NR5A2: variants seen among roughly 807,000 people sequenced by gnomAD.
NR5A2 encodes the protein nuclear receptor subfamily 5 group A member 2.
In NR5A2, 26 loss-of-function variants were observed where a neutral mutation model predicts 62.7. The ratio of observed to expected loss-of-function variants is 0.41; its 90% CI spans 0.30 to 0.58. The LOEUF (loss-of-function observed/expected upper bound fraction) is 0.58. Among genes scored for constraint, NR5A2 ranks in the 20% least tolerant of loss-of-function variants. The probability of loss-of-function intolerance (pLI) is 0.22; values close to 1 mark genes in which losing one functional copy is unlikely to be tolerated. For missense variants in NR5A2, 541 were observed against 669.1 expected, an observed-to-expected ratio of 0.81 and a Z score of 2.11; for synonymous variants, 246 against 241.7, an observed-to-expected ratio of 1.02 and a Z score of -0.16.
rs1307666384 is a variant in NR5A2 at position 200,150,946 on chromosome 1, C to T, written c.1379-23017C>T. 3.9e-5 allele frequency among the ~76,000 whole-genome samples: 6 copies of T among 152,266 alleles called. No individual in the cohort carries two copies. In the South Asian group the frequency reaches 1.0e-3, roughly 26 times the overall value. On this transcript the variant is annotated intron_variant, in intron 7 of 7. Coordinates refer to ENST00000367362, the MANE Select transcript of NR5A2 (RefSeq NM_205860.3). ...GAGTGCTCTGTTTCATTCCAGGACC[C>T]GTGGGAGTTAAGAATTGAAGGTAGT...
chr1:200,129,767 A>G (rs1666881569), intron 7 of NR5A2, among the ~76,000 whole-genome samples: 2 of 152,196 alleles, frequency 1.3e-5, no homozygotes. Context: ...CTGTGGAGAG[A>G]AAACAGTTTT....
At chr1:200,053,550 T>TC (rs144983421) in intron 5 of NR5A2, among the ~76,000 whole-genome samples, 9,236 of 107,188 alleles carry the variant, frequency 0.086, 340 homozygotes, top group Non-Finnish European at 0.098. Context: ...CATTCCCTCA[T>TC]CCCCCCCAGC....
At chr1:200,038,626 C>A in intron 1 of NR5A2, 1 of 1,007,706 alleles carries the variant, frequency 9.9e-7, no homozygotes. Context: ...TAACTCCCTT[C>A]ATCTCCTCAT....
rs1367124941 is a variant in NR5A2, at chr1:200,176,335, A to T, written c.*2125A>T. 6.6e-6 allele frequency: 1 copy of T among 152,642 alleles called. No homozygotes were observed. The highest frequency in any genetic ancestry group is 1.5e-5 in the Non-Finnish European group (1 of 68,046). The allele number at this position is 152,642 out of a possible 1,614,324, so 9.5% of individuals were successfully genotyped here. ...TATTAATCACCTCTAATACTCATCCACATGAAGGGTACACATTAGGTAAGC... is the reference window on the plus strand; with the variant it reads ...TATTAATCACCTCTAATACTCATCCTCATGAAGGGTACACATTAGGTAAGC... On this transcript the variant is annotated 3_prime_UTR_variant, in exon 8 of 8. Transcript: ENST00000367362.
At chr1:200,143,096 G>C (rs1667520015) in intron 7 of NR5A2, among the ~76,000 whole-genome samples, 1 of 152,142 alleles carries the variant, frequency 6.6e-6, no homozygotes, top group Non-Finnish European at 1.5e-5. Flanking sequence ...CTTACTTTGA[G>C]TAAGACTTTT....
intron 7 of NR5A2, among the ~76,000 whole-genome samples, chr1:200,134,546 G>T (rs1034277710): frequency 2.6e-5 from 4 of 152,136 alleles, no homozygotes; most frequent in Non-Finnish European, 2.9e-5. Context: ...GTAAGTTTGT[G>T]TAAGTACACT....
Position 200,048,745 on chromosome 1 carries a change from G to T in NR5A2, c.1037G>T (p.Cys346Phe). The stretch of plus-strand genomic sequence containing the variant: ...AAGCTGAGCACCTTTGGGCTTATGT[G>T]CAAAATGGCAGATCAAACTCTCTTC... Reference protein sequence around the residue: ...HEKLSTFGLMCKMADQTLFSI... With the variant: ...HEKLSTFGLMFKMADQTLFSI... The change falls in exon 5 of 8, where the codon TGC (cysteine) becomes TTC (phenylalanine). Residue 346 changes from cysteine (C) to phenylalanine (F), a missense_variant. Physicochemically the swap from Cys to Phe is radical, Grantham distance 205 (BLOSUM62 -2). This residue lies in a region of NR5A2 where 379 missense variants were observed against 442.0 expected (regional missense o/e 0.86). Transcript: ENST00000367362. The surrounding 1 kb of genome is among the most constrained non-coding windows in gnomAD (Gnocchi z 4.8). 1.2e-6 allele frequency: 2 copies of T among 1,614,214 alleles called. No individual in the cohort carries two copies. Among genetic ancestry groups the T allele is most frequent in the Non-Finnish European group, 1.7e-6 (2 of 1,180,036 alleles).
chr1:200,060,729 G>A (rs1424677765), intron 5 of NR5A2, among the ~76,000 whole-genome samples: 2 of 151,998 alleles, frequency 1.3e-5, no homozygotes, highest in African/African-American at 2.4e-5. Flanking sequence ...CACATGCTAC[G>A]TTCTTGACCT....
intron 7 of NR5A2, among the ~76,000 whole-genome samples, chr1:200,169,982 G>A (rs568480212): frequency 2.0e-5 from 3 of 152,276 alleles, no homozygotes; most frequent in Admixed American, 6.5e-5. Flanking sequence ...CCAGCTGGGG[G>A]TCTTTTGCTA....
At chr1:200,050,379 T>A (rs1662572119) in intron 5 of NR5A2, among the ~76,000 whole-genome samples, 2 of 152,222 alleles carry the variant, frequency 1.3e-5, no homozygotes, top group South Asian at 4.1e-4. Flanking sequence ...TGCTTAATAA[T>A]TATGTCTTCA....
chr1:200,119,588 ACTT>A (rs771790417), intron 6 of NR5A2, among the ~76,000 whole-genome samples: 4 of 152,132 alleles, frequency 2.6e-5, no homozygotes, highest in Non-Finnish European at 4.4e-5. Flanking sequence ...TATAAATTGA[ACTT>A]CTTATGTCCC....
Position 200,175,254 on chromosome 1 carries a change from A to AAAGG in NR5A2, c.*1046_*1049dup, listed in dbSNP as rs1654365654. Reference sequence around the variant, plus strand: ...ATGTTAATCTATGCAAAGAGAAAGGAAAGGATGAGGTGATGTATTGACTCA... The same window carrying AAAGG: ...ATGTTAATCTATGCAAAGAGAAAGGAAAGGAAGGATGAGGTGATGTATTGACTCA... On this transcript the variant is annotated 3_prime_UTR_variant, in exon 8 of 8. Coordinates refer to ENST00000367362, the MANE Select transcript of NR5A2 (RefSeq NM_205860.3). 1 of 152,404 alleles carries AAAGG rather than the reference A, an allele frequency of 6.6e-6. No individual in the cohort carries two copies. The highest frequency in any genetic ancestry group is 1.5e-5 in the Non-Finnish European group (1 of 68,044). The allele number at this position is 152,404 out of a possible 1,614,324, so 9.4% of individuals were successfully genotyped here. A position where few individuals can be genotyped will look rare whatever the true frequency, so the allele number is the denominator to read the frequency against.
At chr1:200,056,331 G>A (rs1484892464) in intron 5 of NR5A2, among the ~76,000 whole-genome samples, 1 of 152,074 alleles carries the variant, frequency 6.6e-6, no homozygotes, top group Non-Finnish European at 1.5e-5. Flanking sequence ...TCTTTACTGG[G>A]ATATCTTGAA....
intron 5 of NR5A2, among the ~76,000 whole-genome samples, chr1:200,066,792 T>C (rs959395144): frequency 7.9e-5 from 12 of 152,140 alleles, no homozygotes; most frequent in African/African-American, 2.9e-4. Flanking sequence ...TTCACCATGT[T>C]GGTCAGGGTG....
intron 5 of NR5A2, among the ~76,000 whole-genome samples, chr1:200,096,068 C>T (rs1275392081): frequency 6.6e-6 from 1 of 152,038 alleles, no homozygotes. Context: ...TATCAATCTA[C>T]ACCCATACCA....
At chr1:200,032,397 G>A (rs1176433562) in intron 1 of NR5A2, among the ~76,000 whole-genome samples, 1 of 152,210 alleles carries the variant, frequency 6.6e-6, no homozygotes, top group Non-Finnish European at 1.5e-5. Context: ...GTATGTTTTT[G>A]TGTGGTTGAT....
chr1:200,170,851 T>C (rs547285957), intron 7 of NR5A2, among the ~76,000 whole-genome samples: 1 of 152,332 alleles, frequency 6.6e-6, no homozygotes, highest in Admixed American at 6.5e-5. Context: ...ATCCATTACA[T>C]ATATGCCAAA....
intron 7 of NR5A2, among the ~76,000 whole-genome samples, chr1:200,156,078 G>A (rs2102371886): frequency 6.6e-6 from 1 of 152,180 alleles, no homozygotes; most frequent in East Asian, 1.9e-4. Flanking sequence ...GGCTGCCTCT[G>A]AACTTGCTGT....
At chr1:200,127,369 G>GC (rs1666750576) in intron 7 of NR5A2, among the ~76,000 whole-genome samples, 3 of 151,878 alleles carry the variant, frequency 2.0e-5, no homozygotes, top group Admixed American at 1.3e-4. Flanking sequence ...GTGTACAAAT[G>GC]CAAGTCCAAA....
Sources: allele counts gnomAD v4.1 joint callset (sites outside exome capture counted in the v4.1 genomes callset), GRCh38; gene constraint gnomAD v4.1.1; regional missense constraint gnomAD v4.1.1; non-coding constraint Gnocchi (gnomAD v3.1); transcripts MANE v1.5; gene names NCBI Gene and HGNC (gene_info 2026-07-23, HGNC 2026-07-21).